KLHL29: variants seen among roughly 807,000 people sequenced by gnomAD.
KLHL29 encodes kelch-like protein 29.
KLHL29 carries 21 observed loss-of-function variants against 80.4 expected under a neutral mutation model. The observed-to-expected ratio is 0.26, with a 90% CI of 0.19 to 0.38. The LOEUF is 0.38. KLHL29 is among the 10% of genes least tolerant of loss of function. KLHL29 has a pLI of 1.00. For missense variants in KLHL29, 867 were observed against 1,223.9 expected (o/e 0.71, Z 4.35); for synonymous variants, 511 against 526.8 (o/e 0.97, Z 0.41).
chr2:23,599,731 T>C (rs964508239), intron 3 of KLHL29, among the ~76,000 whole-genome samples: 1 of 152,204 alleles, frequency 6.6e-6, no homozygotes, highest in Non-Finnish European at 1.5e-5. Flanking sequence ...CCTCCAGCAT[T>C]TTCGGTTCCG....
chr2:23,408,015 TTC>T (rs1199532310), intron 1 of KLHL29, among the ~76,000 whole-genome samples: 2 of 152,024 alleles, frequency 1.3e-5, no homozygotes, highest in Non-Finnish European at 2.9e-5. Flanking sequence ...GTTCAAGTGA[TTC>T]TCCTGCCTCG....
chr2:23,428,059 G>A (rs911503780), intron 1 of KLHL29, among the ~76,000 whole-genome samples: 1 of 152,228 alleles, frequency 6.6e-6, no homozygotes, highest in African/African-American at 2.4e-5. Flanking sequence ...GATTGGTGTC[G>A]AAATATGTCA....
rs1041683266 is a variant in KLHL29 at position 23,695,609 on chromosome 2, C to A, written c.1543-14C>A. The A allele has an allele frequency of 1.3e-6, 2 of 1,541,112 alleles. No individual in the cohort carries two copies. The highest frequency in any genetic ancestry group is 1.8e-6 in the Non-Finnish European group (2 of 1,141,408). ...TTGCTAGTCTAAGAAGATTCTGTCTCCTGTACCCTGCAGTACGCGGCTGAG... is the reference window on the plus strand; with the variant it reads ...TTGCTAGTCTAAGAAGATTCTGTCTACTGTACCCTGCAGTACGCGGCTGAG... On this transcript the variant is annotated splice_polypyrimidine_tract_variant and intron_variant, in intron 8 of 13. Transcript: ENST00000486442. This position sits in a 1 kb window ranked among gnomAD's most constrained non-coding sequence, Gnocchi z 7.6.
At chr2:23,654,695 T>TGG (rs769363801) in intron 5 of KLHL29, among the ~76,000 whole-genome samples, 2,206 of 33,736 alleles carry the variant, frequency 0.065, 166 homozygotes, top group East Asian at 0.22. Flanking sequence ...GGAACAGAGG[T>TGG]TGGGGGGGGG....
chr2:23,662,503 C>T (rs773442710), intron 5 of KLHL29, among the ~76,000 whole-genome samples: 2 of 152,170 alleles, frequency 1.3e-5, no homozygotes, highest in African/African-American at 4.8e-5. Flanking sequence ...AGGACTGCAG[C>T]TTCTGCTCTC....
chr2:23,498,183 A>G (rs745700559), intron 2 of KLHL29, among the ~76,000 whole-genome samples: 6 of 152,194 alleles, frequency 3.9e-5, no homozygotes, highest in Non-Finnish European at 8.8e-5. Flanking sequence ...TCCTATTCAT[A>G]TATTGGGCAG....
At chr2:23,541,095 A>C (rs1666819360) in intron 2 of KLHL29, among the ~76,000 whole-genome samples, 1 of 152,250 alleles carries the variant, frequency 6.6e-6, no homozygotes, top group African/African-American at 2.4e-5. Flanking sequence ...AAAGGAGGGA[A>C]TGGATCAGAC....
intron 1 of KLHL29, among the ~76,000 whole-genome samples, chr2:23,416,478 G>A (rs1666985661): frequency 6.6e-6 from 1 of 152,206 alleles, no homozygotes; most frequent in Non-Finnish European, 1.5e-5. Flanking sequence ...TGGCAGAACC[G>A]GGACTCAAGT....
intron 1 of KLHL29, among the ~76,000 whole-genome samples, chr2:23,435,223 A>G (rs925929749): frequency 6.6e-6 from 1 of 152,088 alleles, no homozygotes; most frequent in Non-Finnish European, 1.5e-5. Flanking sequence ...GCATTAGGAG[A>G]TGGCACTGGG....
At position 23,518,212 on chromosome 2, in the gene KLHL29, A is replaced by G. The variant is rs13430098; in HGVS notation, c.-46+42545A>G. ...CCGGAGGGAACCTGAGACTTGGCCTATGGCTCCTCCTCCCACATGACCCTG... is the reference window on the plus strand; with the variant it reads ...CCGGAGGGAACCTGAGACTTGGCCTGTGGCTCCTCCTCCCACATGACCCTG... On this transcript the variant is annotated intron_variant, in intron 2 of 13. Transcript: ENST00000486442. Among the ~76,000 whole-genome samples the G allele has an allele frequency of 3.4e-3, 524 of 152,296 alleles. 4 individuals are homozygous for G. The highest frequency in any genetic ancestry group is 0.012 in the African/African-American group (506 of 41,556).
intron 2 of KLHL29, among the ~76,000 whole-genome samples, chr2:23,536,495 C>T (rs189472807): frequency 5.9e-5 from 9 of 152,326 alleles, no homozygotes; most frequent in South Asian, 2.1e-4. Flanking sequence ...TGACTCTCCC[C>T]GTTTTGCCTC....
Position 23,706,361 on chromosome 2 carries a change from TCCC to T in KLHL29, c.2445-119_2445-117del. ...TAGAGGGCAAAGAAGGGCAGCAAGA[TCCC>T]AGATGCCTTCTGCAAAAGGCACAGG... On this transcript the variant is annotated intron_variant, in intron 13 of 13. Transcript: ENST00000486442. 7.0e-6 allele frequency: 5 copies of T among 712,378 alleles called. No homozygotes were observed. In the African/African-American group the frequency reaches 9.3e-5, roughly 13 times the overall value. The allele number at this position is 712,378 out of a possible 1,614,324, so 44.1% of individuals were successfully genotyped here. A position where few individuals can be genotyped will look rare whatever the true frequency, so the allele number is the denominator to read the frequency against.
At chr2:23,556,415 G>A (rs1244472991) in intron 2 of KLHL29, among the ~76,000 whole-genome samples, 2 of 151,958 alleles carry the variant, frequency 1.3e-5, no homozygotes, top group Non-Finnish European at 2.9e-5. Flanking sequence ...AAAGTGGGCG[G>A]ATCACTTGAG....
At chr2:23,485,799 C>T (rs890268688) in intron 2 of KLHL29, among the ~76,000 whole-genome samples, 2 of 152,154 alleles carry the variant, frequency 1.3e-5, no homozygotes, top group Non-Finnish European at 2.9e-5. Context: ...CTCCCTGTGC[C>T]TCAGTTTCTT....
At chr2:23,590,558 C>T (rs373638325) in intron 3 of KLHL29, among the ~76,000 whole-genome samples, 11 of 152,276 alleles carry the variant, frequency 7.2e-5, no homozygotes, top group South Asian at 4.2e-4. Context: ...GACGCCATGC[C>T]GAGGCCCTGG....
chr2:23,421,258 T>C (rs1458212442), intron 1 of KLHL29, among the ~76,000 whole-genome samples: 2 of 152,222 alleles, frequency 1.3e-5, no homozygotes, highest in Non-Finnish European at 2.9e-5. Flanking sequence ...TCTCCCGGCA[T>C]GGCCTGGATT....
intron 2 of KLHL29, among the ~76,000 whole-genome samples, chr2:23,518,444 T>C (rs1308802123): frequency 3.3e-5 from 5 of 152,182 alleles, no homozygotes; most frequent in Non-Finnish European, 5.9e-5. Context: ...TCTTCCCTTC[T>C]CCAGGAGATG....
chr2:23,610,757 T>C (rs1668838250), intron 3 of KLHL29, among the ~76,000 whole-genome samples: 1 of 152,244 alleles, frequency 6.6e-6, no homozygotes. Context: ...CTACAGAAAC[T>C]GGGCCCAGAT....
chr2:23,511,814 G>A (rs1012163717), intron 2 of KLHL29, among the ~76,000 whole-genome samples: 2 of 152,198 alleles, frequency 1.3e-5, no homozygotes, highest in African/African-American at 4.8e-5. Context: ...TCTCTCAGGA[G>A]GGAGGTGTGT....
Sources: gnomAD v4.1 joint callset for allele counts (sites outside exome capture counted in the v4.1 genomes callset) on GRCh38, gnomAD v4.1.1 for gene constraint, Gnocchi (gnomAD v3.1) non-coding constraint, MANE v1.5 for transcripts, NCBI Gene and HGNC (gene_info 2026-07-23, HGNC 2026-07-21) for gene names.